SLC24A2: variants seen among roughly 807,000 people sequenced by gnomAD.
SLC24A2 encodes the protein solute carrier family 24 member 2.
In SLC24A2, 36 loss-of-function variants were observed where a neutral mutation model predicts 62.0. That is an observed-to-expected ratio of 0.58 (90% confidence interval 0.44 to 0.77). SLC24A2 has a LOEUF of 0.77. SLC24A2 is among the 30% of genes least tolerant of loss of function. The pLI, the probability that SLC24A2 is intolerant of heterozygous loss-of-function variation, is 0.00. For synonymous variants in SLC24A2, 358 were observed against 294.0 expected (o/e 1.22, Z -2.23); for missense variants, 846 against 817.9 (o/e 1.03, Z -0.42).
intron 2 of SLC24A2, among the ~76,000 whole-genome samples, chr9:19,709,856 T>A (rs1177094733): frequency 6.6e-6 from 1 of 151,822 alleles, no homozygotes; most frequent in Admixed American, 6.6e-5. Flanking sequence ...CATATGTAAC[T>A]AACCTGCACA....
rs765583397 is a variant in SLC24A2 at position 19,786,424 on chromosome 9, G to T, written c.443C>A (p.Ala148Asp). Reference sequence around the variant, plus strand: ...GAACTCATCACAGACAATGGCTAAGGCTATGAACATGTAGATCATTCCAAT... The same window carrying T: ...GAACTCATCACAGACAATGGCTAAGTCTATGAACATGTAGATCATTCCAAT... ...HVIGMIYMFI[A>D]LAIVCDEFFV... The change falls in exon 2 of 11, where the codon GCC becomes GAC. Residue 148 changes from alanine to aspartate, a missense_variant. Ala to Asp is a moderately radical substitution (Grantham distance 126). Transcript: ENST00000341998. This position sits in a 1 kb window ranked among gnomAD's most constrained non-coding sequence, Gnocchi z 5.0. The T allele has an allele frequency of 6.2e-7, 1 of 1,614,116 alleles. No homozygotes were observed. Among genetic ancestry groups the T allele is most frequent in the East Asian group, 2.2e-5 (1 of 44,892 alleles).
At chr9:19,805,115 A>T in the SLC24A2 span, among the ~76,000 whole-genome samples, 10 of 152,214 alleles carry the variant, frequency 6.6e-5, no homozygotes, top group African/African-American at 2.4e-4. Context: ...TGGTCAGCAC[A>T]ACATGATATG....
At chr9:19,596,055 T>A (rs149229260) in intron 5 of SLC24A2, among the ~76,000 whole-genome samples, 10 of 152,246 alleles carry the variant, frequency 6.6e-5, no homozygotes, top group African/African-American at 2.4e-4. Context: ...TTAGAAAATA[T>A]CATGGTGGTT....
chr9:20,287,611 G>A, the SLC24A2 span, among the ~76,000 whole-genome samples: 1 of 152,206 alleles, frequency 6.6e-6, no homozygotes, highest in Non-Finnish European at 1.5e-5. Context: ...GATTCCTAGT[G>A]CTAGGGATAT....
the SLC24A2 span, among the ~76,000 whole-genome samples, chr9:20,054,916 C>T: frequency 1.3e-5 from 2 of 152,200 alleles, no homozygotes; most frequent in Non-Finnish European, 2.9e-5. Context: ...TGCTCTCAAT[C>T]ATAAAAAACA....
chr9:19,558,342 C>A (rs972355129), intron 7 of SLC24A2, among the ~76,000 whole-genome samples: 1 of 152,132 alleles, frequency 6.6e-6, no homozygotes, highest in African/African-American at 2.4e-5. Flanking sequence ...CAATGAACAT[C>A]AGGACCTCAA....
the SLC24A2 span, among the ~76,000 whole-genome samples, chr9:20,110,514 CTG>C: frequency 6.6e-6 from 1 of 151,856 alleles, no homozygotes; most frequent in Non-Finnish European, 1.5e-5. Context: ...AAGGCTGACT[CTG>C]TGTACTTTAA....
At chr9:19,545,241 T>G (rs1834492285) in intron 8 of SLC24A2, among the ~76,000 whole-genome samples, 1 of 151,950 alleles carries the variant, frequency 6.6e-6, no homozygotes, top group African/African-American at 2.4e-5. Flanking sequence ...TTGTGTATGC[T>G]TCACAGAATT....
At chr9:20,095,866 G>C in the SLC24A2 span, among the ~76,000 whole-genome samples, 8,902 of 152,154 alleles carry the variant, frequency 0.059, 830 homozygotes, top group African/African-American at 0.2. Flanking sequence ...AGACAAAAGA[G>C]AATTGAGAAT....
chr9:20,023,583 C>T, the SLC24A2 span, among the ~76,000 whole-genome samples: 3 of 152,280 alleles, frequency 2.0e-5, no homozygotes, highest in South Asian at 6.2e-4. Context: ...AACCACCAAT[C>T]CCAAGATATG....
the SLC24A2 span, among the ~76,000 whole-genome samples, chr9:20,013,037 A>G: frequency 1.3e-5 from 2 of 152,222 alleles, no homozygotes; most frequent in East Asian, 3.8e-4. Context: ...CATTTTTCAC[A>G]GAAATGGAAA....
chr9:19,720,695 C>G lies in SLC24A2; in HGVS notation c.930+65242G>C, dbSNP rs1049024224. Among the ~76,000 whole-genome samples the G allele has an allele frequency of 4.8e-5, 4 of 83,028 alleles. No individual in the cohort carries two copies. The Admixed American group carries it at 5.5e-4, about 11-fold the overall frequency. The allele number at this position is 83,028 out of a possible 152,430, so 54.5% of individuals were successfully genotyped here. ...ATTAACAATTACAATGACAACCCCC[C>G]CCCCCAAAAAAAATCACCTTGATGT... On this transcript the variant is annotated intron_variant, in intron 2 of 10. Transcript: ENST00000341998.
At chr9:19,884,015 C>T in the SLC24A2 span, among the ~76,000 whole-genome samples, 1 of 152,234 alleles carries the variant, frequency 6.6e-6, no homozygotes, top group African/African-American at 2.4e-5. Flanking sequence ...GTGATCTCAT[C>T]GAGTACAATG....
the SLC24A2 span, among the ~76,000 whole-genome samples, chr9:20,189,333 A>ATCAG: frequency 6.6e-6 from 1 of 152,142 alleles, no homozygotes; most frequent in African/African-American, 2.4e-5. Context: ...GTGTTGATAA[A>ATCAG]TCGACTGCTG....
chr9:19,534,343 A>C (rs1014797236), intron 8 of SLC24A2, among the ~76,000 whole-genome samples: 1 of 152,004 alleles, frequency 6.6e-6, no homozygotes, highest in Non-Finnish European at 1.5e-5. Flanking sequence ...TAAATTGTAC[A>C]TTTTTTGTCT....
the SLC24A2 span, among the ~76,000 whole-genome samples, chr9:20,273,343 C>T: frequency 6.6e-6 from 1 of 152,172 alleles, no homozygotes; most frequent in Non-Finnish European, 1.5e-5. Flanking sequence ...AGAAAAGAAA[C>T]AAAGACACAG....
At chr9:19,589,708 C>A (rs1836494589) in intron 5 of SLC24A2, among the ~76,000 whole-genome samples, 1 of 152,016 alleles carries the variant, frequency 6.6e-6, no homozygotes, top group Non-Finnish European at 1.5e-5. Context: ...AAATAATATA[C>A]AAGCCTTTTA....
rs1832929360 is a variant in SLC24A2, at chr9:19,516,385, A to T, written c.1754T>A (p.Leu585His). 4 of 1,613,962 alleles carry T rather than the reference A, an allele frequency of 2.5e-6. No individual in the cohort carries two copies. Among genetic ancestry groups the T allele is most frequent in the Admixed American group, 1.7e-5 (1 of 60,006 alleles). Reference sequence around the variant, plus strand: ...GAATCTGTGAATGACGGTGTACAGGAGCCAGGGCAGTGGGAGCCTGTGCAG... The same window carrying T: ...GAATCTGTGAATGACGGTGTACAGGTGCCAGGGCAGTGGGAGCCTGTGCAG... The part of the protein sequence containing the change: ...DITVGLPLPW[L>H]LYTVIHRFQP... Residue 585 changes from leucine (L) to histidine (H), a missense_variant, in exon 11 of 11, where the codon CTC becomes CAC. Leu to His is a moderately conservative substitution (Grantham distance 99, BLOSUM62 -3). Coordinates refer to ENST00000341998, the MANE Select transcript of SLC24A2 (RefSeq NM_020344.4).
chr9:19,791,237 G>C (rs368963257), upstream of SLC24A2, among the ~76,000 whole-genome samples: 42 of 152,318 alleles, frequency 2.8e-4, no homozygotes, highest in South Asian at 8.3e-4. Flanking sequence ...TTACATCTGT[G>C]TTCCAGGCAG....
Sources: allele counts gnomAD v4.1 joint callset (sites outside exome capture counted in the v4.1 genomes callset), GRCh38; gene constraint gnomAD v4.1.1; non-coding constraint Gnocchi (gnomAD v3.1); transcripts MANE v1.5; gene names NCBI Gene and HGNC (gene_info 2026-07-23, HGNC 2026-07-21).